AFF3: variants seen among roughly 807,000 people sequenced by gnomAD.
AFF3 encodes ALF transcription elongation factor 3, also known as AF4/FMR2 family member 3.
In AFF3, 32 loss-of-function variants were observed where a neutral mutation model predicts 129.7. The observed-to-expected ratio is 0.25, with a 90% CI of 0.19 to 0.33. The LOEUF (loss-of-function observed/expected upper bound fraction) is 0.33, where lower values mean the gene tolerates loss of function less well. AFF3 is among the 10% of genes least tolerant of loss of function. AFF3 has a pLI of 1.00. For synonymous variants in AFF3, 644 were observed against 635.4 expected, an observed-to-expected ratio of 1.01 and a Z score of -0.20; for missense variants, 1,373 against 1,592.0, an observed-to-expected ratio of 0.86 and a Z score of 2.34.
intron 7 of AFF3, among the ~76,000 whole-genome samples, chr2:99,957,387 T>G (rs892395645): frequency 6.6e-6 from 1 of 152,172 alleles, no homozygotes; most frequent in Admixed American, 6.5e-5. Flanking sequence ...TAATCCAGCA[T>G]GATATTTCAC....
intron 14 of AFF3, among the ~76,000 whole-genome samples, chr2:99,595,197 C>T (rs550208799): frequency 1.2e-4 from 19 of 152,082 alleles, no homozygotes; most frequent in Non-Finnish European, 2.2e-4. Context: ...AAGGACCAAT[C>T]CAATAATTTC....
intron 13 of AFF3, chr2:99,630,502 T>C (rs1210593860): frequency 1.3e-5 from 2 of 152,292 alleles, no homozygotes; most frequent in African/African-American, 4.8e-5. Flanking sequence ...AAGGGGCCCC[T>C]GCCTTGGTGG....
rs540804417 is a variant in AFF3, at chr2:100,011,408, G to T, written c.54-2476C>A. 6.5e-6 allele frequency: 5 copies of T among 774,718 alleles called. No individual in the cohort carries two copies. In the African/African-American group the frequency reaches 8.5e-5, roughly 13 times the overall value. The allele number at this position is 774,718 out of a possible 1,614,324, so 48.0% of individuals were successfully genotyped here. A position where few individuals can be genotyped will look rare whatever the true frequency, so the allele number is the denominator to read the frequency against. ...GACACACAAGACTGGTGTGATGCAC[G>T]AAGTGGCCTCATGTAAGATGGAGCA... On this transcript the variant is annotated intron_variant, in intron 4 of 24. Coordinates refer to ENST00000672756, the MANE Select transcript of AFF3 (RefSeq NM_001386135.1).
At chr2:99,800,647 T>C (rs553109022) in intron 8 of AFF3, among the ~76,000 whole-genome samples, 3 of 152,314 alleles carry the variant, frequency 2.0e-5, no homozygotes, top group African/African-American at 7.2e-5. Context: ...CTTTTATGTA[T>C]AACTGCCCCC....
chr2:99,890,878 T>C (rs1422391633), intron 7 of AFF3, among the ~76,000 whole-genome samples: 1 of 152,010 alleles, frequency 6.6e-6, no homozygotes, highest in Non-Finnish European at 1.5e-5. Context: ...CCCAGGCTGG[T>C]GTCTTCTGAT....
rs576434754 is a variant in AFF3, at chr2:99,836,788, T to C, written c.921+689A>G. Among the ~76,000 whole-genome samples, 3 of 152,272 alleles carry C rather than the reference T, an allele frequency of 2.0e-5. No individual in the cohort carries two copies. In the South Asian group the frequency reaches 6.2e-4, roughly 32 times the overall value. ...TTTGCCCAGTGTAGTATCAGCTTTT[T>C]GAGAACTATAAATTATTAGGTAACT... On this transcript the variant is annotated intron_variant, in intron 8 of 24. Transcript: ENST00000672756.
At chr2:100,109,548 C>T (rs940901729) in intron 2 of AFF3, among the ~76,000 whole-genome samples, 10 of 151,980 alleles carry the variant, frequency 6.6e-5, no homozygotes, top group Non-Finnish European at 1.3e-4. Flanking sequence ...AAGAACCAAT[C>T]ATCCTGACTT....
At chr2:99,943,491 T>C (rs1219677839) in intron 7 of AFF3, among the ~76,000 whole-genome samples, 41 of 152,196 alleles carry the variant, frequency 2.7e-4, no homozygotes, top group Admixed American at 2.7e-3. Context: ...CAATGAATGG[T>C]GGTGTTATTA....
chr2:99,566,259 T>G (rs1027963345), intron 19 of AFF3, among the ~76,000 whole-genome samples: 3 of 152,128 alleles, frequency 2.0e-5, no homozygotes, highest in Non-Finnish European at 4.4e-5. Context: ...ATTGTTTTTT[T>G]TTTTTGTTGT....
chr2:99,631,091 C>T (rs1381806595), intron 13 of AFF3: 3 of 361,518 alleles, frequency 8.3e-6, no homozygotes, highest in Non-Finnish European at 1.7e-5. Flanking sequence ...TCAGGCAGGG[C>T]CTGGCTCCTG....
At chr2:99,805,813 T>TAC (rs3072357) in intron 8 of AFF3, among the ~76,000 whole-genome samples, 10,644 of 142,790 alleles carry the variant, frequency 0.075, 444 homozygotes, top group East Asian at 0.11. Flanking sequence ...GCAGGAGTCT[T>TAC]ACACACACAC....
chr2:99,779,587 C>T (rs146653382), intron 8 of AFF3, among the ~76,000 whole-genome samples: 26 of 152,194 alleles, frequency 1.7e-4, no homozygotes, highest in Admixed American at 1.2e-3. Flanking sequence ...GCATATACTG[C>T]GTAGTGGTGA....
At chr2:99,885,763 G>A (rs1693067542) in intron 7 of AFF3, among the ~76,000 whole-genome samples, 1 of 152,122 alleles carries the variant, frequency 6.6e-6, no homozygotes, top group African/African-American at 2.4e-5. Flanking sequence ...TCATACTCTT[G>A]GTTGGCAGAG....
Position 100,069,932 on chromosome 2 carries a change from T to C in AFF3, c.53+34470A>G, listed in dbSNP as rs1270424569. Among the ~76,000 whole-genome samples the C allele has an allele frequency of 2.0e-5, 3 of 152,208 alleles. No individual in the cohort carries two copies. The South Asian group carries it at 6.2e-4, about 32-fold the overall frequency. On this transcript the variant is annotated intron_variant, in intron 4 of 24. Coordinates refer to ENST00000672756, the MANE Select transcript of AFF3 (RefSeq NM_001386135.1). ...GTAAAGATAAAAGATCCCATGTCTC[T>C]TCTCCTCTGTATCACGCAGTTACAC...
intron 4 of AFF3, among the ~76,000 whole-genome samples, chr2:100,051,604 C>A (rs1232531939): frequency 6.6e-6 from 1 of 152,126 alleles, no homozygotes; most frequent in East Asian, 1.9e-4. Context: ...TGAAAAAAAC[C>A]AGCATGGCTC....
chr2:100,106,344 T>G (rs1480885312), intron 2 of AFF3: 3 of 1,156,978 alleles, frequency 2.6e-6, no homozygotes, highest in East Asian at 1.2e-4. Flanking sequence ...GCAAGAAGAT[T>G]AGGTAAAAAC....
At chr2:99,817,053 T>G (rs538239829) in intron 8 of AFF3, among the ~76,000 whole-genome samples, 4 of 152,336 alleles carry the variant, frequency 2.6e-5, no homozygotes, top group Non-Finnish European at 4.4e-5. Flanking sequence ...AGGCTGCAGT[T>G]CTGTATCCTT....
At chr2:99,934,613 C>A (rs148400545) in intron 7 of AFF3, among the ~76,000 whole-genome samples, 135 of 152,162 alleles carry the variant, frequency 8.9e-4, no homozygotes, top group East Asian at 2.3e-3. Flanking sequence ...AGGGAATATC[C>A]CACAAAACCT....
chr2:99,854,971 C>A (rs1272945921), intron 7 of AFF3, among the ~76,000 whole-genome samples: 1 of 152,134 alleles, frequency 6.6e-6, no homozygotes, highest in African/African-American at 2.4e-5. Context: ...TTGAACCTTG[C>A]CCCATAGCAC....
Sources: allele counts gnomAD v4.1 joint callset (sites outside exome capture counted in the v4.1 genomes callset), GRCh38; gene constraint gnomAD v4.1.1; transcripts MANE v1.5; gene names NCBI Gene and HGNC (gene_info 2026-07-23, HGNC 2026-07-21).